Variants in ZC3H12B observed in about 807,000 individuals in gnomAD.
ZC3H12B encodes the protein probable ribonuclease ZC3H12B.
ZC3H12B carries 7 observed loss-of-function variants against 43.9 expected under a neutral mutation model. The observed-to-expected ratio is 0.16, with a 90% confidence interval of 0.09 to 0.30. The LOEUF is 0.30. ZC3H12B is among the 10% of genes least tolerant of loss of function. The pLI is 1.00. For missense variants in ZC3H12B, 475 were observed against 670.2 expected, an observed-to-expected ratio of 0.71 and a Z score of 3.22; for synonymous variants, 222 against 241.7, an observed-to-expected ratio of 0.92 and a Z score of 0.76.
At chrX:65,160,234 G>T in the ZC3H12B span, among the ~76,000 whole-genome samples, 2 of 111,620 alleles carry the variant, frequency 1.8e-5, no homozygotes, top group Non-Finnish European at 3.8e-5. Context: ...CCTTTCGGTT[G>T]TGTCTCTACC....
chrX:65,501,129 C>A (rs2068360871), intron 4 of ZC3H12B, among the ~76,000 whole-genome samples: 1 of 111,434 alleles, frequency 9.0e-6, no homozygotes, highest in South Asian at 3.7e-4. Context: ...CAAACCTGTG[C>A]TCTTTGCATT....
the ZC3H12B span, among the ~76,000 whole-genome samples, chrX:65,231,496 G>C: frequency 9.0e-6 from 1 of 110,598 alleles, no homozygotes; most frequent in African/African-American, 3.3e-5. Context: ...TATCTTAACC[G>C]CGTATCTCAA....
At chrX:65,175,713 G>A in the ZC3H12B span, among the ~76,000 whole-genome samples, 2 of 111,878 alleles carry the variant, frequency 1.8e-5, no homozygotes, top group Non-Finnish European at 3.8e-5. Flanking sequence ...TGCACAGTGA[G>A]TGCAGCTCAC....
At chrX:65,230,721 C>T in the ZC3H12B span, among the ~76,000 whole-genome samples, 73 of 110,272 alleles carry the variant, frequency 6.6e-4, no homozygotes, top group South Asian at 8.1e-3. Context: ...AATGATTTCC[C>T]CAGACAAACA....
the ZC3H12B span, among the ~76,000 whole-genome samples, chrX:65,336,380 A>G: frequency 8.9e-6 from 1 of 112,256 alleles, no homozygotes; most frequent in Non-Finnish European, 1.9e-5. Flanking sequence ...TCATGGAACC[A>G]AAAGCAAAAC....
chrX:65,102,337 C>T, the ZC3H12B span, among the ~76,000 whole-genome samples: 1 of 111,739 alleles, frequency 8.9e-6, no homozygotes, highest in Non-Finnish European at 1.9e-5. Flanking sequence ...GACAAGGATA[C>T]CCTCTCTCCC....
the ZC3H12B span, among the ~76,000 whole-genome samples, chrX:65,231,699 C>T: frequency 6.3e-5 from 7 of 110,942 alleles, no homozygotes; most frequent in East Asian, 1.4e-3. Context: ...CTATTCTGCC[C>T]GACCCCGCAG....
chrX:65,379,442 CA>C (rs1203466082), intron 2 of ZC3H12B, among the ~76,000 whole-genome samples: 1 of 111,836 alleles, frequency 8.9e-6, no homozygotes, highest in Non-Finnish European at 1.9e-5. Context: ...ACATCCACAC[CA>C]AAAACCCATC....
chrX:65,097,458 C>T, the ZC3H12B span, among the ~76,000 whole-genome samples: 60 of 111,496 alleles, frequency 5.4e-4, 1 homozygote, highest in East Asian at 0.016. Flanking sequence ...TTTTCCCTTT[C>T]CTCCATTTTA....
At chrX:65,374,907 C>T (rs888758311) in intron 2 of ZC3H12B, among the ~76,000 whole-genome samples, 6 of 110,977 alleles carry the variant, frequency 5.4e-5, no homozygotes, top group Non-Finnish European at 9.4e-5. Flanking sequence ...AGGGTAACTG[C>T]CCCCCATGAT....
chrX:65,321,091 A>G, the ZC3H12B span, among the ~76,000 whole-genome samples: 2 of 111,747 alleles, frequency 1.8e-5, no homozygotes, highest in Admixed American at 1.9e-4. Context: ...TAAACTATCA[A>G]CAGAGTAAAC....
chrX:65,278,677 G>A, the ZC3H12B span, among the ~76,000 whole-genome samples: 2 of 111,022 alleles, frequency 1.8e-5, no homozygotes, highest in African/African-American at 6.5e-5. Flanking sequence ...TTAGCTTCAG[G>A]GATTCATGTG....
the ZC3H12B span, among the ~76,000 whole-genome samples, chrX:65,192,498 C>A: frequency 7.2e-5 from 8 of 110,859 alleles, no homozygotes; most frequent in Admixed American, 3.9e-4. Context: ...TGGTATATGG[C>A]TTTTATTTTA....
the ZC3H12B span, among the ~76,000 whole-genome samples, chrX:65,120,234 G>T: frequency 9.0e-6 from 1 of 111,709 alleles, no homozygotes; most frequent in Admixed American, 9.5e-5. Flanking sequence ...AAATTACCTT[G>T]GGCAGTATGG....
At chrX:65,193,920 C>A in the ZC3H12B span, among the ~76,000 whole-genome samples, 1 of 111,288 alleles carries the variant, frequency 9.0e-6, no homozygotes, top group African/African-American at 3.3e-5. Context: ...ACCATAGTGG[C>A]TTCTGCTTCT....
chrX:65,186,532 C>CA, the ZC3H12B span: 1 of 96,562 alleles, frequency 1.0e-5, no homozygotes, highest in African/African-American at 3.7e-5. Flanking sequence ...GCTTATATTT[C>CA]TTTTTTTTTT....
intron 3 of ZC3H12B, among the ~76,000 whole-genome samples, chrX:65,445,322 C>G (rs765410692): frequency 4.1e-4 from 46 of 111,965 alleles, no homozygotes; most frequent in Admixed American, 2.8e-3. Flanking sequence ...TAATCTTCAG[C>G]TTTGGTTTGT....
At chrX:65,163,503 A>T in the ZC3H12B span, among the ~76,000 whole-genome samples, 2 of 111,021 alleles carry the variant, frequency 1.8e-5, no homozygotes, top group Non-Finnish European at 3.8e-5. Flanking sequence ...CCTCGCTGCC[A>T]CCTTGCAGTT....
the ZC3H12B span, among the ~76,000 whole-genome samples, chrX:65,150,749 C>T: frequency 3.6e-5 from 4 of 111,212 alleles, no homozygotes; most frequent in Non-Finnish European, 7.5e-5. Context: ...ATATCCAGTG[C>T]CATTTGTCTT....
Sources: allele counts gnomAD v4.1 joint callset (sites outside exome capture counted in the v4.1 genomes callset), GRCh38; gene constraint gnomAD v4.1.1; transcripts MANE v1.5; gene names NCBI Gene and HGNC (gene_info 2026-07-23, HGNC 2026-07-21).